ATG7: variants seen among roughly 807,000 people sequenced by gnomAD.
ATG7 encodes the protein ubiquitin-like modifier-activating enzyme ATG7.
In ATG7, 70 loss-of-function variants were observed where a neutral mutation model predicts 82.4. The observed-to-expected ratio is 0.85, with a 90% CI of 0.70 to 1.04. ATG7 has a LOEUF of 1.04. ATG7 is among the 50% of genes least tolerant of loss of function. The probability of loss-of-function intolerance (pLI) is 0.00; values close to 1 mark genes in which losing one functional copy is unlikely to be tolerated. For missense variants in ATG7, 792 were observed against 864.3 expected (o/e 0.92, Z 1.05); for synonymous variants, 287 against 313.0 (o/e 0.92, Z 0.88).
chr3:11,342,418 T>A, intron 13 of ATG7, 139 bp downstream of exon 13: 1 of 1,153,540 alleles, frequency 8.7e-7, no homozygotes, highest in Non-Finnish European at 1.2e-6. Context: ...TTTTCTTATC[T>A]TTTTAAGTGT....
At chr3:11,475,305 A>G (rs578095146) in intron 20 of ATG7, among the ~76,000 whole-genome samples, 5 of 152,120 alleles carry the variant, frequency 3.3e-5, no homozygotes, top group Non-Finnish European at 7.4e-5. Context: ...CAAAGCCCCT[A>G]TCCACTGGGC....
intron 20 of ATG7, among the ~76,000 whole-genome samples, chr3:11,518,879 A>G (rs907896789): frequency 6.6e-6 from 1 of 152,134 alleles, no homozygotes; most frequent in Non-Finnish European, 1.5e-5. Context: ...ATCTCCTATG[A>G]CCCCAAGTTT....
rs1319817219 is a variant in ATG7 at position 11,410,663 on chromosome 3, CTT to C, written c.1957-16137_1957-16136del. 3.3e-5 allele frequency among the ~76,000 whole-genome samples: 5 copies of C among 152,154 alleles called. No homozygotes were observed. In the South Asian group the frequency reaches 6.2e-4, roughly 19 times the overall value. On this transcript the variant is annotated intron_variant, in intron 19 of 20. Coordinates refer to ENST00000693202, the MANE Select transcript of ATG7 (RefSeq NM_001349232.2). The stretch of plus-strand genomic sequence containing the variant: ...ATAAGTAGAGTCATACATTATTTGT[CTT>C]TTTGTGATTGGCTTATTCCATTTAG...
chr3:11,387,801 T>C (rs1180569212), intron 19 of ATG7, among the ~76,000 whole-genome samples: 1 of 151,952 alleles, frequency 6.6e-6, no homozygotes, highest in Non-Finnish European at 1.5e-5. Flanking sequence ...AAACACTGTC[T>C]CTACTAAAAA....
At chr3:11,281,748 T>C (rs1943079735) in intron 2 of ATG7, among the ~76,000 whole-genome samples, 1 of 135,868 alleles carries the variant, frequency 7.4e-6, no homozygotes, top group Non-Finnish European at 1.5e-5. Context: ...CACTCTAACC[T>C]GGGCAACAAG....
At chr3:11,361,903 C>T (rs2076308950) in intron 16 of ATG7, among the ~76,000 whole-genome samples, 1 of 152,186 alleles carries the variant, frequency 6.6e-6, no homozygotes, top group Admixed American at 6.5e-5. Flanking sequence ...GAGATGTTTT[C>T]TGTAACCTCC....
intron 9 of ATG7, among the ~76,000 whole-genome samples, chr3:11,325,031 TA>T (rs1159457573): frequency 1.3e-5 from 2 of 152,232 alleles, no homozygotes; most frequent in Non-Finnish European, 2.9e-5. Context: ...GATACACAAA[TA>T]CCATTGTGTT....
intron 20 of ATG7, among the ~76,000 whole-genome samples, chr3:11,449,385 CA>C (rs1369611537): frequency 1.3e-5 from 2 of 152,098 alleles, no homozygotes; most frequent in African/African-American, 2.4e-5. Flanking sequence ...CCAACAACAA[CA>C]AAAAACCCTG....
At chr3:11,443,783 AT>A (rs2084231183) in intron 20 of ATG7, among the ~76,000 whole-genome samples, 1 of 152,156 alleles carries the variant, frequency 6.6e-6, no homozygotes, top group African/African-American at 2.4e-5. Flanking sequence ...GATCAAGAAA[AT>A]TTCCCCCCCT....
intron 9 of ATG7, 150 bp downstream of exon 9, chr3:11,315,643 C>A (rs1168431786): frequency 3.0e-6 from 2 of 675,760 alleles, no homozygotes; most frequent in Non-Finnish European, 4.6e-6. Context: ...TCTATCCTCT[C>A]CCACCCCTAC....
At chr3:11,523,847 C>T (rs1004593286) in intron 20 of ATG7, among the ~76,000 whole-genome samples, 3 of 152,128 alleles carry the variant, frequency 2.0e-5, no homozygotes, top group African/African-American at 7.2e-5. Flanking sequence ...AAATGCATAG[C>T]AAGGGATGGG....
At chr3:11,457,606 G>A (rs754716619) in intron 20 of ATG7, among the ~76,000 whole-genome samples, 5 of 152,064 alleles carry the variant, frequency 3.3e-5, no homozygotes, top group Non-Finnish European at 5.9e-5. Context: ...AAACATTTCC[G>A]GAACATACAT....
rs1189361971 is a variant in ATG7 at position 11,364,667 on chromosome 3, C to T, written c.1808C>T (p.Ala603Val). Reference sequence around the variant, plus strand: ...TTGTTTCCTGTCCTCAGGGGCTATGCCATTGCCAGCAGCAGTGACGATCGG... The same window carrying T: ...TTGTTTCCTGTCCTCAGGGGCTATGTCATTGCCAGCAGCAGTGACGATCGG... Reference protein sequence around the residue: ...SVLQHPEGGYAIASSSDDRMN... With the variant: ...SVLQHPEGGYVIASSSDDRMN... The change falls in exon 18 of 21, where the codon GCC (alanine) becomes GTC (valine). Residue 603 changes from alanine (A) to valine (V), a missense_variant. By Grantham distance (64) the Ala-to-Val change is moderately conservative (BLOSUM62 0). Transcript: ENST00000693202. 1.2e-6 allele frequency: 2 copies of T among 1,614,112 alleles called. No homozygotes were observed. The highest frequency in any genetic ancestry group is 2.2e-5 in the South Asian group (2 of 91,080).
the ATG7 span, among the ~76,000 whole-genome samples, chr3:11,569,534 G>A: frequency 6.6e-6 from 1 of 152,334 alleles, no homozygotes; most frequent in East Asian, 1.9e-4. Flanking sequence ...CATCCCCCAA[G>A]CACCAGAGTC....
intron 20 of ATG7, among the ~76,000 whole-genome samples, chr3:11,551,996 G>A (rs1279631764): frequency 3.9e-5 from 6 of 152,192 alleles, no homozygotes; most frequent in East Asian, 1.9e-4. Context: ...TGATCCACCC[G>A]CCTTGGCCTC....
chr3:11,334,040 C>T (rs1317776234), intron 11 of ATG7, among the ~76,000 whole-genome samples: 1 of 151,174 alleles, frequency 6.6e-6, no homozygotes, highest in African/African-American at 2.4e-5. Flanking sequence ...TGAGCCACCG[C>T]TCCCGGCCAG....
chr3:11,399,526 T>C (rs980597792), intron 19 of ATG7, among the ~76,000 whole-genome samples: 2 of 152,130 alleles, frequency 1.3e-5, no homozygotes, highest in Non-Finnish European at 2.9e-5. Context: ...AGTTGTAATG[T>C]AGAAGTGGCC....
At chr3:11,324,265 A>T (rs2594997) in intron 9 of ATG7, among the ~76,000 whole-genome samples, 131,750 of 151,966 alleles carry the variant, frequency 0.87, 57,409 homozygotes, top group East Asian at 1. Flanking sequence ...AATATTTTTT[A>T]AAAAATTCTG....
intron 19 of ATG7, among the ~76,000 whole-genome samples, chr3:11,425,395 A>G (rs1297578001): frequency 6.6e-6 from 1 of 152,254 alleles, no homozygotes; most frequent in Non-Finnish European, 1.5e-5. Context: ...GAAAAGAAAA[A>G]AAATCTATTT....
Sources: gnomAD v4.1 joint callset for allele counts (sites outside exome capture counted in the v4.1 genomes callset) on GRCh38, gnomAD v4.1.1 for gene constraint, MANE v1.5 for transcripts, NCBI Gene and HGNC (gene_info 2026-07-23, HGNC 2026-07-21) for gene names.